The following NEBL variants were observed in gnomAD, a reference collection of about 807,000 sequenced individuals.
NEBL encodes nebulette, also known as LIM and SH3 protein 2.
NEBL carries 122 observed loss-of-function variants against 140.2 expected under a neutral mutation model. That is an observed-to-expected ratio of 0.87 (90% CI 0.75 to 1.01). The LOEUF (loss-of-function observed/expected upper bound fraction) is 1.01. NEBL is among the 50% of genes least tolerant of loss of function. The pLI is 0.00. For missense variants in NEBL, 1,365 were observed against 1,231.3 expected, an observed-to-expected ratio of 1.11 and a Z score of -1.62; for synonymous variants, 436 against 398.9, an observed-to-expected ratio of 1.09 and a Z score of -1.11.
At chr10:21,143,448 CAAAAAAAA>C (rs72021692) in intron 2 of NEBL, among the ~76,000 whole-genome samples, 5 of 66,474 alleles carry the variant, frequency 7.5e-5, no homozygotes, top group East Asian at 4.6e-4. Flanking sequence ...AACTTCATCT[CAAAAAAAA>C]AAAAAAAAAA....
intron 2 of NEBL, among the ~76,000 whole-genome samples, chr10:21,057,542 C>CTTTTTTTT (rs5783764): frequency 2.8e-4 from 20 of 71,724 alleles, no homozygotes; most frequent in Non-Finnish European, 3.3e-4. Flanking sequence ...AATGAAATTC[C>CTTTTTTTT]TTTTTTTTTT....
intron 2 of NEBL, among the ~76,000 whole-genome samples, chr10:21,101,216 T>C (rs565874369): frequency 6.6e-5 from 10 of 152,294 alleles, no homozygotes; most frequent in African/African-American, 2.2e-4. Flanking sequence ...TTTCCATGAA[T>C]TCTAATCATC....
At chr10:21,138,652 A>G (rs1325226404) in intron 2 of NEBL, among the ~76,000 whole-genome samples, 2 of 152,136 alleles carry the variant, frequency 1.3e-5, no homozygotes, top group African/African-American at 4.8e-5. Context: ...TGTGTTCCAA[A>G]ATCAGCCTAA....
chr10:21,164,691 T>C (rs978982566), intron 2 of NEBL, among the ~76,000 whole-genome samples: 4 of 152,178 alleles, frequency 2.6e-5, no homozygotes, highest in Non-Finnish European at 5.9e-5. Flanking sequence ...TTCCCTACAA[T>C]GACTTAAAAG....
intron 3 of NEBL, among the ~76,000 whole-genome samples, chr10:20,972,127 C>G (rs116683576): frequency 9.9e-5 from 15 of 152,156 alleles, no homozygotes; most frequent in African/African-American, 3.4e-4. Flanking sequence ...CTTAAAGAAA[C>G]AGGATAAACC....
intron 3 of NEBL, among the ~76,000 whole-genome samples, chr10:21,183,007 G>A (rs1212143686): frequency 1.3e-5 from 2 of 152,154 alleles, no homozygotes; most frequent in Non-Finnish European, 2.9e-5. Context: ...TTCACCCTAA[G>A]ACAGAAAGCA....
At chr10:20,805,436 T>A (rs1458786202) in intron 26 of NEBL, among the ~76,000 whole-genome samples, 1 of 152,222 alleles carries the variant, frequency 6.6e-6, no homozygotes, top group Non-Finnish European at 1.5e-5. Context: ...TATTGGTACA[T>A]CTTGACTTTT....
rs1270239939 is a variant in NEBL at position 20,819,429 on chromosome 10, T to G, written c.2050A>C (p.Ser684Arg). The G allele has an allele frequency of 3.7e-6, 6 of 1,613,996 alleles. No homozygotes were observed. Among genetic ancestry groups the G allele is most frequent in the Non-Finnish European group, 5.1e-6 (6 of 1,180,006 alleles). Residue 684 changes from serine to arginine, a missense_variant, in exon 20 of 28, where the codon AGT becomes CGT. Transcript: ENST00000377122. ...AGGAAACAGAAACGACTTGCCGCAC[T>G]CAGCTGCTCCTGGTTTCGCCTCACT... ...ERVRRNQEQLSAVKYKGELQR... is the reference protein window; with the variant it reads ...ERVRRNQEQLRAVKYKGELQR...
At chr10:21,235,098 C>CA (rs1564547311) in intron 3 of NEBL, among the ~76,000 whole-genome samples, 1 of 152,072 alleles carries the variant, frequency 6.6e-6, no homozygotes, top group African/African-American at 2.4e-5. Context: ...AGTTCCAGAC[C>CA]AGCCTGGGCA....
intron 3 of NEBL, among the ~76,000 whole-genome samples, chr10:21,198,149 C>A (rs1321545814): frequency 3.9e-5 from 6 of 152,212 alleles, no homozygotes; most frequent in African/African-American, 1.4e-4. Context: ...CCAGCCTCCT[C>A]TGAATACCAG....
At chr10:21,022,143 C>A (rs1838824144) in intron 2 of NEBL, among the ~76,000 whole-genome samples, 2 of 152,264 alleles carry the variant, frequency 1.3e-5, no homozygotes, top group Admixed American at 6.5e-5. Context: ...GAGGAGACAC[C>A]TTTAGCTGCT....
intron 12 of NEBL, chr10:20,841,573 T>C (rs1005725373): frequency 6.6e-6 from 1 of 152,228 alleles, no homozygotes; most frequent in Non-Finnish European, 1.5e-5. Flanking sequence ...CATCCATAGA[T>C]AATGAAATGT....
At chr10:21,114,043 C>G (rs182127748) in intron 2 of NEBL, among the ~76,000 whole-genome samples, 9 of 152,020 alleles carry the variant, frequency 5.9e-5, no homozygotes, top group African/African-American at 2.2e-4. Context: ...ATATAATACA[C>G]TTTTAATGCT....
At chr10:20,975,274 C>A (rs1190819423) in intron 3 of NEBL, among the ~76,000 whole-genome samples, 1 of 151,878 alleles carries the variant, frequency 6.6e-6, no homozygotes, top group Non-Finnish European at 1.5e-5. Context: ...GAAAGAGGGG[C>A]CAGTTTGAGG....
At chr10:20,992,765 C>CTTTTTTTTTT (rs35627113) in intron 3 of NEBL, among the ~76,000 whole-genome samples, 5 of 52,466 alleles carry the variant, frequency 9.5e-5, no homozygotes, top group African/African-American at 4.2e-4. Flanking sequence ...ACTACAAAGT[C>CTTTTTTTTTT]TTTTTTTTTT....
intron 3 of NEBL, among the ~76,000 whole-genome samples, chr10:21,242,503 G>A (rs1023781573): frequency 4.6e-5 from 7 of 152,056 alleles, no homozygotes; most frequent in Admixed American, 1.3e-4. Context: ...TACCTATCAG[G>A]TACTATGCTT....
At chr10:21,256,348 G>A (rs974645157) in intron 1 of NEBL, among the ~76,000 whole-genome samples, 7 of 152,058 alleles carry the variant, frequency 4.6e-5, no homozygotes, top group South Asian at 2.1e-4. Flanking sequence ...GATTACAGGC[G>A]TGAGCCATCA....
chr10:20,817,175 T>C (rs1838799173), intron 21 of NEBL, among the ~76,000 whole-genome samples: 1 of 150,726 alleles, frequency 6.6e-6, no homozygotes, highest in African/African-American at 2.4e-5. Flanking sequence ...AGCTCAGGAG[T>C]TTGAGACCAG....
At chr10:21,098,681 A>C (rs1317296606) in intron 2 of NEBL, among the ~76,000 whole-genome samples, 1 of 152,202 alleles carries the variant, frequency 6.6e-6, no homozygotes, top group East Asian at 1.9e-4. Flanking sequence ...GAGCGCATAA[A>C]TACACTCCTA....
Sources: gnomAD v4.1 joint callset for allele counts (sites outside exome capture counted in the v4.1 genomes callset) on GRCh38, gnomAD v4.1.1 for gene constraint, MANE v1.5 for transcripts, NCBI Gene and HGNC (gene_info 2026-07-23, HGNC 2026-07-21) for gene names.